ETNPPL: variants seen among roughly 807,000 people sequenced by gnomAD.
ETNPPL encodes ethanolamine-phosphate phospho-lyase.
A neutral mutation model predicts 55.5 loss-of-function variants in ETNPPL; 30 were observed. The observed-to-expected ratio is 0.54, with a 90% CI of 0.40 to 0.73. ETNPPL has a LOEUF of 0.73. ETNPPL is among the 30% of genes least tolerant of loss of function. The pLI is 0.00. For synonymous variants in ETNPPL, 202 were observed against 207.2 expected (o/e 0.98, Z 0.21); for missense variants, 528 against 607.9 (o/e 0.87, Z 1.38).
intron 1 of ETNPPL, chr4:108,762,529 G>A: frequency 1.5e-6 from 1 of 670,540 alleles, no homozygotes; most frequent in Non-Finnish European, 2.7e-6. Flanking sequence ...TCCCTGGAAT[G>A]GTGTCTGCTA....
chr4:108,750,865 A>G lies in ETNPPL; in HGVS notation c.701+71T>C, dbSNP rs1728877720. ...TCAGGAATTATTTTAATATCTTAGC[A>G]ACTAGTATGGCCCTACAGAATTGTC... On this transcript the variant is annotated intron_variant, in intron 7 of 12. Coordinates refer to ENST00000296486, the MANE Select transcript of ETNPPL (RefSeq NM_031279.4). The G allele has an allele frequency of 9.2e-6, 10 of 1,081,104 alleles. No individual in the cohort carries two copies. The South Asian group carries it at 1.3e-4, about 14-fold the overall frequency. 67.0% of individuals were successfully genotyped at this position (1,081,104 alleles called of 1,614,324 possible). A position where few individuals can be genotyped will look rare whatever the true frequency, so the allele number is the denominator to read the frequency against.
At chr4:108,749,767 G>A (rs1340238494) in intron 7 of ETNPPL, among the ~76,000 whole-genome samples, 1 of 151,970 alleles carries the variant, frequency 6.6e-6, no homozygotes, top group East Asian at 1.9e-4. Flanking sequence ...GGAGTGCAGT[G>A]GTATGATCAA....
At chr4:108,755,576 G>T (rs556082081) in intron 4 of ETNPPL, among the ~76,000 whole-genome samples, 9 of 152,146 alleles carry the variant, frequency 5.9e-5, no homozygotes, top group African/African-American at 1.2e-4. Context: ...TAGCACTTTG[G>T]GGGGCTGAGG....
chr4:108,760,265 A>AT lies in ETNPPL; in HGVS notation c.97dup (p.Ile33AsnfsTer11). On this transcript the variant is annotated frameshift_variant, in exon 2 of 13. Coordinates refer to ENST00000296486, the MANE Select transcript of ETNPPL (RefSeq NM_031279.4). LOFTEE classifies it high-confidence loss of function. Reference sequence around the variant, plus strand: ...CATGTACTGCCTCTGGGCTCTCACTATTTTGATGGGATCCGATGCAAAGAA... The same window carrying AT: ...CATGTACTGCCTCTGGGCTCTCACTATTTTTGATGGGATCCGATGCAAAGAA... 2.5e-6 allele frequency: 4 copies of AT among 1,612,260 alleles called. No homozygotes were observed. Among genetic ancestry groups the AT allele is most frequent in the Non-Finnish European group, 3.4e-6 (4 of 1,178,600 alleles).
chr4:108,751,131 C>T, intron 6 of ETNPPL, 113 bp from the exon 7 acceptor site: 1 of 588,576 alleles, frequency 1.7e-6, no homozygotes, highest in Non-Finnish European at 3.0e-6. Context: ...AGACCTGTAG[C>T]AAGTGGCAAA....
At chr4:108,743,728 T>C in intron 12 of ETNPPL, 61 bp downstream of exon 12, 1 of 1,256,930 alleles carries the variant, frequency 8.0e-7, no homozygotes, top group Non-Finnish European at 1.2e-6. Flanking sequence ...TTTGTATTCC[T>C]TTTTTAAACA....
chr4:108,748,900 C>G (rs28432991), intron 8 of ETNPPL, among the ~76,000 whole-genome samples: 2 of 151,940 alleles, frequency 1.3e-5, no homozygotes, highest in African/African-American at 4.8e-5. Context: ...TTTTGTCAGA[C>G]AGAATAAAAT....
Position 108,759,788 on chromosome 4 carries a change from A to C in ETNPPL, c.296T>G (p.Leu99Arg). The change falls in exon 3 of 13, where the codon CTG (leucine) becomes CGG (arginine). Residue 99 changes from leucine (L) to arginine (R), a missense_variant. Transcript: ENST00000296486. Reference sequence around the variant, plus strand: ...ATAACAAACAGAGAGTTTCTCCGGCAGAGTTGCTGAAAGGCGTTTGGCATA... The same window carrying C: ...ATAACAAACAGAGAGTTTCTCCGGCCGAGTTGCTGAAAGGCGTTTGGCATA... Reference protein sequence around the residue: ...VEYAKRLSATLPEKLSVCYFT... With the variant: ...VEYAKRLSATRPEKLSVCYFT... The C allele has an allele frequency of 1.2e-6, 2 of 1,614,180 alleles. No individual in the cohort carries two copies. The highest frequency in any genetic ancestry group is 1.7e-6 in the Non-Finnish European group (2 of 1,180,028).
At chr4:108,753,957 A>G (rs564079421) in intron 5 of ETNPPL, among the ~76,000 whole-genome samples, 1 of 140,866 alleles carries the variant, frequency 7.1e-6, no homozygotes, top group South Asian at 2.3e-4. Flanking sequence ...ATACAGAGCA[A>G]TTTACTTTTT....
intron 7 of ETNPPL, among the ~76,000 whole-genome samples, chr4:108,750,523 TGTATG>T (rs1306502371): frequency 2.0e-5 from 3 of 150,412 alleles, no homozygotes; most frequent in Non-Finnish European, 4.4e-5. Flanking sequence ...TGTGTGTGTG[TGTATG>T]ATATGTGATA....
intron 1 of ETNPPL, among the ~76,000 whole-genome samples, chr4:108,761,637 T>A (rs1341605513): frequency 6.6e-6 from 1 of 152,250 alleles, no homozygotes. Context: ...TTAGAAAATT[T>A]GTTCTGCTCA....
At chr4:108,747,226 A>C in intron 9 of ETNPPL, among the ~76,000 whole-genome samples, 2 of 14,738 alleles carry the variant, frequency 1.4e-4, no homozygotes, top group East Asian at 8.4e-3. Context: ...TATATATATT[A>C]TATATATATA....
At chr4:108,755,977 G>A (rs1729177430) in intron 4 of ETNPPL, among the ~76,000 whole-genome samples, 1 of 152,204 alleles carries the variant, frequency 6.6e-6, no homozygotes, top group South Asian at 2.1e-4. Context: ...GTGGCTGCCG[G>A]TTTTCTTTAA....
At chr4:108,752,056 A>G (rs1410938404) in intron 6 of ETNPPL, among the ~76,000 whole-genome samples, 6 of 152,364 alleles carry the variant, frequency 3.9e-5, no homozygotes, top group African/African-American at 1.4e-4. Flanking sequence ...GTAGAGCTTT[A>G]GGTCTACCTG....
At chr4:108,751,123 A>G in intron 6 of ETNPPL, 105 bp from the exon 7 acceptor site, 3 of 664,002 alleles carry the variant, frequency 4.5e-6, no homozygotes, top group Non-Finnish European at 7.7e-6. Context: ...CTAGGAATAG[A>G]CCTGTAGCAA....
intron 5 of ETNPPL, among the ~76,000 whole-genome samples, chr4:108,753,633 T>C (rs1442649353): frequency 2.0e-5 from 3 of 151,984 alleles, no homozygotes; most frequent in Non-Finnish European, 4.4e-5. Flanking sequence ...TCCCAGCTGC[T>C]CGGGAGGCTG....
chr4:108,742,706 A>G, intron 12 of ETNPPL, 94 bp from the exon 13 acceptor site: 1 of 1,451,428 alleles, frequency 6.9e-7, no homozygotes, highest in Non-Finnish European at 9.6e-7. Flanking sequence ...AACAAAGGAC[A>G]CAGAAAAACC....
intron 3 of ETNPPL, among the ~76,000 whole-genome samples, chr4:108,757,846 A>C (rs1560659850): frequency 6.6e-6 from 1 of 151,924 alleles, no homozygotes. Flanking sequence ...CTCACCCTGT[A>C]ACCCCAACAC....
intron 6 of ETNPPL, among the ~76,000 whole-genome samples, chr4:108,752,020 G>A (rs1253091500): frequency 1.3e-5 from 2 of 152,160 alleles, no homozygotes; most frequent in Admixed American, 1.3e-4. Flanking sequence ...ATTTGAAGAG[G>A]AAGAGTATGA....
Sources: allele counts gnomAD v4.1 joint callset (sites outside exome capture counted in the v4.1 genomes callset), GRCh38; gene constraint gnomAD v4.1.1; transcripts MANE v1.5; gene names NCBI Gene and HGNC (gene_info 2026-07-23, HGNC 2026-07-21).